SLC12A6: variants seen among roughly 807,000 people sequenced by gnomAD.
SLC12A6 encodes the protein solute carrier family 12 member 6.
In SLC12A6, 66 loss-of-function variants were observed where a neutral mutation model predicts 135.3. The ratio of observed to expected loss-of-function variants is 0.49; its 90% CI spans 0.40 to 0.60. The LOEUF is 0.60. SLC12A6 is among the 20% of genes least tolerant of loss of function. SLC12A6 has a pLI of 0.00. For synonymous variants in SLC12A6, 513 were observed against 508.8 expected, an observed-to-expected ratio of 1.01 and a Z score of -0.11; for missense variants, 1,058 against 1,452.3, an observed-to-expected ratio of 0.73 and a Z score of 4.41.
At chr15:34,265,601 G>A (rs1383115325) in intron 3 of SLC12A6, among the ~76,000 whole-genome samples, 1 of 152,164 alleles carries the variant, frequency 6.6e-6, no homozygotes, top group Non-Finnish European at 1.5e-5. Flanking sequence ...CCGACTTACA[G>A]TACTTGACAA....
At chr15:34,330,097 C>T (rs540391569) in intron 2 of SLC12A6, among the ~76,000 whole-genome samples, 4 of 152,134 alleles carry the variant, frequency 2.6e-5, no homozygotes, top group Non-Finnish European at 5.9e-5. Flanking sequence ...ATTTCCCCCA[C>T]TCGTCTCAAA....
intron 2 of SLC12A6, among the ~76,000 whole-genome samples, chr15:34,313,594 A>G (rs957540494): frequency 1.3e-5 from 2 of 152,242 alleles, no homozygotes; most frequent in Admixed American, 6.5e-5. Context: ...GCTACGATCA[A>G]TGATGAAGGT....
chr15:34,287,175 C>T (rs1172140520), intron 2 of SLC12A6, among the ~76,000 whole-genome samples: 1 of 152,110 alleles, frequency 6.6e-6, no homozygotes, highest in Admixed American at 6.6e-5. Context: ...ATGTTCCCCT[C>T]CCTGTGTCCA....
chr15:34,274,972 A>T (rs977874945), intron 3 of SLC12A6, among the ~76,000 whole-genome samples: 2 of 152,196 alleles, frequency 1.3e-5, no homozygotes, highest in Non-Finnish European at 2.9e-5. Context: ...AGTACTTTCA[A>T]TAATTAAAAA....
Position 34,284,090 on chromosome 15 carries a change from A to T in SLC12A6, c.272-8701T>A, listed in dbSNP as rs192988330. Among the ~76,000 whole-genome samples, 44 of 151,762 alleles carry T rather than the reference A, an allele frequency of 2.9e-4. No homozygotes were observed. In the East Asian group the frequency reaches 8.0e-3, roughly 28 times the overall value. On this transcript the variant is annotated intron_variant, in intron 2 of 25. Coordinates refer to ENST00000354181, the MANE Select transcript of SLC12A6 (RefSeq NM_001365088.1). Reference sequence around the variant, plus strand: ...ATGCAGGCTGCTGGTTTGAGAATGGATTGTAGGGGAGACCAAGAACAGAAA... The same window carrying T: ...ATGCAGGCTGCTGGTTTGAGAATGGTTTGTAGGGGAGACCAAGAACAGAAA...
At chr15:34,251,519 T>C (rs1274923879) in intron 10 of SLC12A6, among the ~76,000 whole-genome samples, 1 of 152,232 alleles carries the variant, frequency 6.6e-6, no homozygotes, top group Non-Finnish European at 1.5e-5. Flanking sequence ...AGTGCTAGGA[T>C]TACAGGCATA....
At position 34,239,087 on chromosome 15, in the gene SLC12A6, T is replaced by TGA. The variant is rs1184523433; in HGVS notation, c.2509_2510insTC (p.Glu837ValfsTer16). ...TGACTGGATGAGGTGGGAAATGCCC[T>TGA]CTCTCAGCTTGGCGGCCACCACCAG... On this transcript the variant is annotated frameshift_variant, in exon 20 of 26. Coordinates refer to ENST00000354181, the MANE Select transcript of SLC12A6 (RefSeq NM_001365088.1). LOFTEE classifies it high-confidence loss of function. 1 of 1,613,908 alleles carries TGA rather than the reference T, an allele frequency of 6.2e-7. No homozygotes were observed. Among genetic ancestry groups the TGA allele is most frequent in the Non-Finnish European group, 8.5e-7 (1 of 1,179,920 alleles).
At chr15:34,287,953 C>T (rs1055280018) in intron 2 of SLC12A6, among the ~76,000 whole-genome samples, 1 of 152,140 alleles carries the variant, frequency 6.6e-6, no homozygotes, top group African/African-American at 2.4e-5. Flanking sequence ...GTAATAGTTT[C>T]TTTTGCTGTG....
Position 34,237,457 on chromosome 15 carries a change from G to A in SLC12A6, c.2896C>T (p.His966Tyr). The stretch of plus-strand genomic sequence containing the variant: ...TCTACCTCCGCCTCAATGCGTAAGT[G>A]ATATAGGAAGGTGGCTAGGTCCTTC... ...MKKDLATFLY[H>Y]LRIEAEVEVV... The change falls in exon 22 of 26, where the codon CAC becomes TAC. Residue 966 changes from histidine to tyrosine, a missense_variant. This residue lies in a region of SLC12A6 where 245 missense variants were observed against 440.8 expected (regional missense o/e 0.56). Transcript: ENST00000354181. 1 of 1,613,042 alleles carries A rather than the reference G, an allele frequency of 6.2e-7. No homozygotes were observed. Among genetic ancestry groups the A allele is most frequent in the East Asian group, 2.2e-5 (1 of 44,828 alleles).
chr15:34,232,702 A>G lies in SLC12A6; in HGVS notation c.*1179T>C, dbSNP rs1012305962. 5.9e-5 allele frequency: 9 copies of G among 152,616 alleles called. No homozygotes were observed. Among genetic ancestry groups the G allele is most frequent in the African/African-American group, 2.2e-4 (9 of 41,438 alleles). 9.5% of individuals were successfully genotyped at this position (152,616 alleles called of 1,614,324 possible). A position where few individuals can be genotyped will look rare whatever the true frequency, so the allele number is the denominator to read the frequency against. ...ACTATGGCTTTGTAGATGAGGCAAA[A>G]GATTTCTTAGTGGTAAAATTTCTTC... is the stretch of plus-strand genomic sequence containing the variant. On this transcript the variant is annotated 3_prime_UTR_variant, in exon 26 of 26. Coordinates refer to ENST00000354181, the MANE Select transcript of SLC12A6 (RefSeq NM_001365088.1).
intron 19 of SLC12A6, 130 bp from the exon 20 acceptor site, chr15:34,239,290 T>C: frequency 1.4e-6 from 1 of 737,954 alleles, no homozygotes; most frequent in Admixed American, 2.2e-5. Context: ...TACAGAAAAG[T>C]CCAAAAAGTT....
At chr15:34,290,882 C>T (rs1237072153) in intron 2 of SLC12A6, among the ~76,000 whole-genome samples, 3 of 152,116 alleles carry the variant, frequency 2.0e-5, no homozygotes, top group South Asian at 2.1e-4. Context: ...TGTCTTTGCA[C>T]GTGAGATGGG....
In SLC12A6 at chr15:34,231,981, C is replaced by G. The variant is rs1392868299; in HGVS notation, c.*1900G>C. ...TTTGTGACACCTAGGTCAGCTTGCT[C>G]CATGTCCTATTTAGTAATCAAAGAA... On this transcript the variant is annotated 3_prime_UTR_variant, in exon 26 of 26. Coordinates refer to ENST00000354181, the MANE Select transcript of SLC12A6 (RefSeq NM_001365088.1). 6.6e-6 allele frequency: 1 copy of G among 152,120 alleles called. No homozygotes were observed. Among genetic ancestry groups the G allele is most frequent in the Non-Finnish European group, 1.5e-5 (1 of 68,030 alleles). The allele number at this position is 152,120 out of a possible 1,614,324, so 9.4% of individuals were successfully genotyped here.
intron 4 of SLC12A6, among the ~76,000 whole-genome samples, chr15:34,259,245 C>T (rs559702183): frequency 1.3e-5 from 2 of 150,968 alleles, no homozygotes; most frequent in African/African-American, 4.9e-5. Context: ...GAGGCTGAGG[C>T]GGGAGAATCA....
chr15:34,296,395 A>C (rs1895881051), intron 2 of SLC12A6, among the ~76,000 whole-genome samples: 1 of 152,244 alleles, frequency 6.6e-6, no homozygotes, highest in African/African-American at 2.4e-5. Flanking sequence ...AAGCTAAAGC[A>C]AGATTAGGCT....
intron 2 of SLC12A6, among the ~76,000 whole-genome samples, chr15:34,279,249 G>C (rs1347010223): frequency 2.0e-5 from 3 of 151,982 alleles, no homozygotes; most frequent in African/African-American, 7.3e-5. Flanking sequence ...GGGAGGCGGA[G>C]GTTGCAGTTA....
chr15:34,319,969 T>A (rs1358865912), intron 2 of SLC12A6, among the ~76,000 whole-genome samples: 1 of 152,158 alleles, frequency 6.6e-6, no homozygotes, highest in Non-Finnish European at 1.5e-5. Flanking sequence ...ATTCTTGATA[T>A]AATTTATCAG....
chr15:34,251,112 ATT>A, intron 10 of SLC12A6, 55 bp from the exon 11 acceptor site: 1 of 1,270,680 alleles, frequency 7.9e-7, no homozygotes, highest in Non-Finnish European at 1.2e-6. Context: ...AAAAAAGATA[ATT>A]AATTTTCTAC....
At chr15:34,334,468 T>C (rs914142076) in intron 2 of SLC12A6, among the ~76,000 whole-genome samples, 1 of 152,126 alleles carries the variant, frequency 6.6e-6, no homozygotes, top group African/African-American at 2.4e-5. Flanking sequence ...TACTGAGAAG[T>C]CAAGGGTGAA....
Sources: allele counts gnomAD v4.1 joint callset (sites outside exome capture counted in the v4.1 genomes callset), GRCh38; gene constraint gnomAD v4.1.1; regional missense constraint gnomAD v4.1.1; transcripts MANE v1.5; gene names NCBI Gene and HGNC (gene_info 2026-07-23, HGNC 2026-07-21).